The following NCK1 variants were observed in gnomAD, a reference collection of about 807,000 sequenced individuals.
NCK1 encodes the protein NCK adaptor protein 1.
A neutral mutation model predicts 36.6 loss-of-function variants in NCK1; 19 were observed. The ratio of observed to expected loss-of-function variants is 0.52; its 90% CI spans 0.36 to 0.76. NCK1 has a LOEUF of 0.76. Among genes scored for constraint, NCK1 ranks in the 30% least tolerant of loss-of-function variants. The probability of loss-of-function intolerance (pLI) is 0.00; values close to 1 mark genes in which losing one functional copy is unlikely to be tolerated. For missense variants in NCK1, 358 were observed against 445.6 expected (o/e 0.80, Z 1.77); for synonymous variants, 165 against 156.0 (o/e 1.06, Z -0.43).
At chr3:136,925,076 C>T (rs1055266854) in intron 1 of NCK1, among the ~76,000 whole-genome samples, 11 of 152,046 alleles carry the variant, frequency 7.2e-5, no homozygotes, top group African/African-American at 2.4e-4. Context: ...CTATTCTCTT[C>T]TGTAAATGTT....
chr3:136,907,691 A>C (rs998761746), intron 1 of NCK1, among the ~76,000 whole-genome samples: 6 of 152,050 alleles, frequency 3.9e-5, no homozygotes, highest in Non-Finnish European at 7.4e-5. Context: ...TTATCTCCTC[A>C]CTATTTTGTT....
rs1940888558 is a variant in NCK1, at chr3:136,948,527, C to T, written c.*74C>T. 2 of 1,312,186 alleles carry T rather than the reference C, an allele frequency of 1.5e-6. No individual in the cohort carries two copies. Among genetic ancestry groups the T allele is most frequent in the African/African-American group, 3.0e-5 (2 of 67,020 alleles). The allele number at this position is 1,312,186 out of a possible 1,614,324, so 81.3% of individuals were successfully genotyped here. A position where few individuals can be genotyped will look rare whatever the true frequency, so the allele number is the denominator to read the frequency against. On this transcript the variant is annotated 3_prime_UTR_variant, in exon 4 of 4. Transcript: ENST00000481752. ...TTGAAGACTGAGAAAATGTTGGGTC[C>T]AGTCGTGCTTGATTGGAAATTGTTG...
chr3:136,895,384 T>TAAAATTGCCATACCACCTTTTTTAA (rs1420419239), intron 1 of NCK1, among the ~76,000 whole-genome samples: 14 of 151,796 alleles, frequency 9.2e-5, no homozygotes, highest in South Asian at 2.1e-4. Context: ...TGTCTGACAT[T>TAAAATTGCCATACCACCTTTTTTAA]AAAATTGCCA....
intron 1 of NCK1, among the ~76,000 whole-genome samples, chr3:136,872,334 C>T (rs1938650171): frequency 6.6e-6 from 1 of 152,110 alleles, no homozygotes; most frequent in Admixed American, 6.6e-5. Flanking sequence ...TTTGCCCCTG[C>T]CCTAGAGATC....
chr3:136,878,803 T>C (rs751444012), intron 1 of NCK1, among the ~76,000 whole-genome samples: 4 of 152,156 alleles, frequency 2.6e-5, no homozygotes, highest in Non-Finnish European at 5.9e-5. Flanking sequence ...AGACTGACTA[T>C]TGTTTCTGAC....
intron 1 of NCK1, among the ~76,000 whole-genome samples, chr3:136,923,094 T>C (rs1940151511): frequency 6.7e-6 from 1 of 149,648 alleles, no homozygotes; most frequent in African/African-American, 2.4e-5. Flanking sequence ...ATATAGTCTA[T>C]GCCTATGTGT....
chr3:136,881,188 A>G (rs893621057), intron 1 of NCK1, among the ~76,000 whole-genome samples: 2 of 151,938 alleles, frequency 1.3e-5, no homozygotes, highest in Non-Finnish European at 2.9e-5. Context: ...TCAAGCAGCC[A>G]TCATCTCTTC....
At chr3:136,934,235 G>T (rs1940466935) in intron 2 of NCK1, among the ~76,000 whole-genome samples, 1 of 151,688 alleles carries the variant, frequency 6.6e-6, no homozygotes, top group African/African-American at 2.4e-5. Context: ...ACATGTGAAG[G>T]TTTGTTACAT....
chr3:136,902,283 C>T (rs933025570), intron 1 of NCK1, among the ~76,000 whole-genome samples: 1 of 151,460 alleles, frequency 6.6e-6, no homozygotes, highest in Non-Finnish European at 1.5e-5. Flanking sequence ...CTGCAACCTC[C>T]GCCTCCTGGG....
rs749532686 is a variant in NCK1 at position 136,945,579 on chromosome 3, A to G, written c.227-4A>G. 4.4e-6 allele frequency: 7 copies of G among 1,578,544 alleles called. No individual in the cohort carries two copies. Among genetic ancestry groups the G allele is most frequent in the East Asian group, 2.2e-5 (1 of 44,558 alleles). On this transcript the variant is annotated splice_region_variant and splice_polypyrimidine_tract_variant and intron_variant, in intron 2 of 3. Coordinates refer to ENST00000481752, the MANE Select transcript of NCK1 (RefSeq NM_001291999.2). Reference sequence around the variant, plus strand: ...CCTCTCATGGCCCTTTTTAATTTCAACAGGCATTGGAAAAGTGAAAAGAAA... The same window carrying G: ...CCTCTCATGGCCCTTTTTAATTTCAGCAGGCATTGGAAAAGTGAAAAGAAA...
intron 1 of NCK1, among the ~76,000 whole-genome samples, chr3:136,921,273 T>C (rs960439128): frequency 3.3e-5 from 5 of 152,208 alleles, no homozygotes; most frequent in African/African-American, 7.2e-5. Flanking sequence ...CTTTCAGATA[T>C]GCATTCTAAA....
chr3:136,894,943 T>C (rs1002611358), intron 1 of NCK1, among the ~76,000 whole-genome samples: 2 of 152,176 alleles, frequency 1.3e-5, no homozygotes, highest in Admixed American at 6.5e-5. Context: ...CACTACTATC[T>C]CGGCTCACTG....
At chr3:136,871,896 C>T (rs1441923838) in intron 1 of NCK1, among the ~76,000 whole-genome samples, 4 of 152,152 alleles carry the variant, frequency 2.6e-5, no homozygotes, top group Non-Finnish European at 1.5e-5. Flanking sequence ...AGAAGACATG[C>T]CTTTAACCTT....
intron 1 of NCK1, among the ~76,000 whole-genome samples, chr3:136,908,657 A>G (rs1939748726): frequency 6.6e-6 from 1 of 152,244 alleles, no homozygotes; most frequent in Admixed American, 6.5e-5. Context: ...ATGTGGTGAC[A>G]TCTAACTCCA....
rs1576997858 is a variant in NCK1, at chr3:136,949,267, T to C, written c.*814T>C. The C allele has an allele frequency of 6.6e-6, 1 of 152,036 alleles. No homozygotes were observed. Among genetic ancestry groups the C allele is most frequent in the Non-Finnish European group, 1.5e-5 (1 of 67,886 alleles). The allele number at this position is 152,036 out of a possible 1,614,324, so 9.4% of individuals were successfully genotyped here. Reference sequence around the variant, plus strand: ...ATTTTACCTCTAGAGCATCTTGTATTAGGACATGTTATATTTATGCCAGTG... The same window carrying C: ...ATTTTACCTCTAGAGCATCTTGTATCAGGACATGTTATATTTATGCCAGTG... On this transcript the variant is annotated 3_prime_UTR_variant, in exon 4 of 4. Coordinates refer to ENST00000481752, the MANE Select transcript of NCK1 (RefSeq NM_001291999.2).
chr3:136,910,571 A>C (rs1373882048), intron 1 of NCK1, among the ~76,000 whole-genome samples: 1 of 152,300 alleles, frequency 6.6e-6, no homozygotes, highest in Non-Finnish European at 1.5e-5. Flanking sequence ...TATAGCTTCA[A>C]ATTACTGTCT....
chr3:136,930,568 GGTTAAAC>G, intron 2 of NCK1: 1 of 1,483,058 alleles, frequency 6.7e-7, no homozygotes. Flanking sequence ...AAAATGGATT[GGTTAAAC>G]GTCTTTAAAG....
At chr3:136,922,217 T>C (rs1940131094) in intron 1 of NCK1, among the ~76,000 whole-genome samples, 1 of 152,228 alleles carries the variant, frequency 6.6e-6, no homozygotes, top group Non-Finnish European at 1.5e-5. Flanking sequence ...CCCACCAATG[T>C]TTGGCCCTTA....
chr3:136,866,554 A>C, intron 1 of NCK1, among the ~76,000 whole-genome samples: 1 of 151,256 alleles, frequency 6.6e-6, no homozygotes, highest in Non-Finnish European at 1.5e-5. Flanking sequence ...TGATCTACAC[A>C]TCTCAGCCTG....
Sources: gnomAD v4.1 joint callset for allele counts (sites outside exome capture counted in the v4.1 genomes callset) on GRCh38, gnomAD v4.1.1 for gene constraint, MANE v1.5 for transcripts, NCBI Gene and HGNC (gene_info 2026-07-23, HGNC 2026-07-21) for gene names.